RAPGEFL1: variants seen among roughly 807,000 people sequenced by gnomAD.
RAPGEFL1 encodes the protein Rap guanine nucleotide exchange factor like 1.
A neutral mutation model predicts 64.4 loss-of-function variants in RAPGEFL1; 31 were observed. That is an observed-to-expected ratio of 0.48 (90% CI 0.36 to 0.65). The LOEUF (loss-of-function observed/expected upper bound fraction) is 0.65, where lower values mean the gene tolerates loss of function less well. RAPGEFL1 is among the 30% of genes least tolerant of loss of function. The probability of loss-of-function intolerance (pLI) is 0.00; values close to 1 mark genes in which losing one functional copy is unlikely to be tolerated. For missense variants in RAPGEFL1, 682 were observed against 677.4 expected, an observed-to-expected ratio of 1.01 and a Z score of -0.08; for synonymous variants, 331 against 274.1, an observed-to-expected ratio of 1.21 and a Z score of -2.05.
chr17:40,185,405 C>A (rs181182966), intron 4 of RAPGEFL1, among the ~76,000 whole-genome samples: 2 of 151,082 alleles, frequency 1.3e-5, no homozygotes, highest in African/African-American at 4.9e-5. Flanking sequence ...AATGGCTGGG[C>A]AAGGTGGCTT....
rs1420610171 is a variant in RAPGEFL1 at position 40,191,961 on chromosome 17, T to TG, written c.1606-247dup. ...TGGGCTGATTTTCATCCACACTCAGTGGGGGCATCTTTATACAAAGCACCT... is the reference window on the plus strand; with the variant it reads ...TGGGCTGATTTTCATCCACACTCAGTGGGGGGCATCTTTATACAAAGCACCT... On this transcript the variant is annotated intron_variant, in intron 10 of 14. Coordinates refer to ENST00000620260, the MANE Select transcript of RAPGEFL1 (RefSeq NM_016339.6). The surrounding 1 kb of genome is among the most constrained non-coding windows in gnomAD (Gnocchi z 5.1). 6.6e-6 allele frequency among the ~76,000 whole-genome samples: 1 copy of TG among 152,216 alleles called. No individual in the cohort carries two copies. Among genetic ancestry groups the TG allele is most frequent in the African/African-American group, 2.4e-5 (1 of 41,470 alleles).
At position 40,177,831 on chromosome 17, in the gene RAPGEFL1, G is replaced by A. The variant is rs1241743217; in HGVS notation, c.-31G>A. 4.9e-6 allele frequency: 2 copies of A among 411,696 alleles called. No individual in the cohort carries two copies. 25.5% of individuals were successfully genotyped at this position (411,696 alleles called of 1,614,324 possible). Reference sequence around the variant, plus strand: ...CGCGCCTGGGATACCTGGGTCCCCCGGCGACCCCTAGGAGAGGGGCGGGGG... The same window carrying A: ...CGCGCCTGGGATACCTGGGTCCCCCAGCGACCCCTAGGAGAGGGGCGGGGG... On this transcript the variant is annotated 5_prime_UTR_variant, in exon 1 of 15. Transcript: ENST00000620260.
At chr17:40,179,197 G>C (rs1482165438) in intron 1 of RAPGEFL1, among the ~76,000 whole-genome samples, 1 of 152,110 alleles carries the variant, frequency 6.6e-6, no homozygotes, top group Admixed American at 6.5e-5. Flanking sequence ...CTCCTGAGTA[G>C]CTGGGACTAC....
chr17:40,186,965 A>C (rs577392575), intron 4 of RAPGEFL1, among the ~76,000 whole-genome samples: 109 of 151,546 alleles, frequency 7.2e-4, no homozygotes, highest in African/African-American at 2.6e-3. Flanking sequence ...TTGATTATAA[A>C]TTTTATGTAT....
chr17:40,183,644 C>T lies in RAPGEFL1; in HGVS notation c.600-570C>T, dbSNP rs555502153. On this transcript the variant is annotated intron_variant, in intron 2 of 14. Coordinates refer to ENST00000620260, the MANE Select transcript of RAPGEFL1 (RefSeq NM_016339.6). ...AAGTGATTATCTTGCCTCAGCCTCC[C>T]GAGTAGCTGGGATTACAGGTGTACG... Among the ~76,000 whole-genome samples, 1,240 of 146,818 alleles carry T rather than the reference C, an allele frequency of 8.4e-3. 7 individuals carry two copies. Among genetic ancestry groups the T allele is most frequent in the Middle Eastern group, 0.021 (6 of 280 alleles).
In RAPGEFL1 at chr17:40,193,733, A is replaced by G; in HGVS notation, c.1934A>G (p.Asp645Gly). ...TATGTGCGCCAGTTTCAGGTCATCG[A>G]CAACCAGAACCTCCTCTTCGAGCTC... is the stretch of plus-strand genomic sequence containing the variant. Reference protein sequence around the residue: ...KAYVRQFQVIDNQNLLFELSY... With the variant: ...KAYVRQFQVIGNQNLLFELSY... The change falls in exon 15 of 15, where the codon GAC becomes GGC. Residue 645 changes from aspartate (D) to glycine (G), a missense_variant. Physicochemically the swap from Asp to Gly is moderately conservative, Grantham distance 94 (BLOSUM62 -1). Around this residue, in one of 2 missense-constraint regions of RAPGEFL1, gnomAD observed 411 missense variants for 519.4 expected, o/e 0.79. Transcript: ENST00000620260. The G allele has an allele frequency of 1.9e-6, 3 of 1,613,982 alleles. No homozygotes were observed. Among genetic ancestry groups the G allele is most frequent in the Non-Finnish European group, 2.5e-6 (3 of 1,179,974 alleles).
intron 11 of RAPGEFL1, 93 bp downstream of exon 11, chr17:40,192,356 G>C (rs1598446915): frequency 7.1e-7 from 1 of 1,408,396 alleles, no homozygotes; most frequent in South Asian, 1.2e-5. Context: ...TTCCTTTCAA[G>C]GTGTTTAGTG....
intron 6 of RAPGEFL1, among the ~76,000 whole-genome samples, chr17:40,189,783 A>G (rs1378578493): frequency 2.0e-5 from 3 of 152,016 alleles, no homozygotes; most frequent in African/African-American, 7.2e-5. Flanking sequence ...GGGGACTCCT[A>G]TGCCTACTAA....
chr17:40,185,561 A>G (rs1460477216), intron 4 of RAPGEFL1, among the ~76,000 whole-genome samples: 1 of 150,636 alleles, frequency 6.6e-6, no homozygotes, highest in Non-Finnish European at 1.5e-5. Flanking sequence ...CAAGGCAGGC[A>G]GATCATGAGG....
intron 1 of RAPGEFL1, among the ~76,000 whole-genome samples, chr17:40,180,542 G>A (rs1030661986): frequency 7.9e-5 from 12 of 152,198 alleles, no homozygotes; most frequent in Admixed American, 4.6e-4. Context: ...CCTCTCCAAC[G>A]TCCAAGCAGC....
chr17:40,178,073 C>T lies in RAPGEFL1; in HGVS notation c.212C>T (p.Pro71Leu), dbSNP rs1290122266. ...CTGCTCCCCGCTTTCCTCCGGGAGC[C>T]CCCCGCCGAGCCGGGGCTGGAGCCG... Reference protein sequence around the residue: ...RLLLPAFLREPPAEPGLEPPP... With the variant: ...RLLLPAFLRELPAEPGLEPPP... The change falls in exon 1 of 15, where the codon CCC becomes CTC. Residue 71 changes from proline to leucine, a missense_variant. Coordinates refer to ENST00000620260, the MANE Select transcript of RAPGEFL1 (RefSeq NM_016339.6). 5 of 604,470 alleles carry T rather than the reference C, an allele frequency of 8.3e-6. No individual in the cohort carries two copies. Among genetic ancestry groups the T allele is most frequent in the South Asian group, 1.8e-5 (1 of 54,400 alleles). 37.4% of individuals were successfully genotyped at this position (604,470 alleles called of 1,614,324 possible).
intron 1 of RAPGEFL1, 185 bp from the exon 2 acceptor site, chr17:40,181,431 G>A (rs1399582175): frequency 3.1e-6 from 2 of 650,830 alleles, no homozygotes; most frequent in African/African-American, 3.6e-5. Context: ...CACCCTCGCA[G>A]TGGCTGCCCA....
At chr17:40,181,927 G>GA (rs1231134416) in intron 2 of RAPGEFL1, among the ~76,000 whole-genome samples, 1 of 151,872 alleles carries the variant, frequency 6.6e-6, no homozygotes, top group African/African-American at 2.4e-5. Flanking sequence ...ACTAAAAATA[G>GA]AAAAAATTAG....
chr17:40,192,188 C>T, intron 10 of RAPGEFL1, 25 bp from the exon 11 acceptor site: 1 of 1,609,808 alleles, frequency 6.2e-7, no homozygotes, highest in Non-Finnish European at 8.5e-7. Context: ...TCTGATATCC[C>T]TTCTCCTTCC....
Position 40,184,593 on chromosome 17 carries a change from C to A in RAPGEFL1, c.748C>A (p.Leu250Ile), listed in dbSNP as rs779105051. The change falls in exon 4 of 15, where the codon CTA becomes ATA. Residue 250 changes from leucine to isoleucine, a missense_variant. Coordinates refer to ENST00000620260, the MANE Select transcript of RAPGEFL1 (RefSeq NM_016339.6). ...AGHIIKDLYL[L>I]IMKDESLYQG... ...CTCCTCTCTCCAGGATCTATACCTGCTAATTATGAAGGACGAGTCCCTTTA... is the reference window on the plus strand; with the variant it reads ...CTCCTCTCTCCAGGATCTATACCTGATAATTATGAAGGACGAGTCCCTTTA... 1.9e-6 allele frequency: 3 copies of A among 1,552,066 alleles called. No individual in the cohort carries two copies. Among genetic ancestry groups the A allele is most frequent in the Non-Finnish European group, 2.7e-6 (3 of 1,131,682 alleles).
Position 40,191,546 on chromosome 17 carries a change from G to C in RAPGEFL1, c.1515-36G>C. ...GGGCCGGAGGCCGGAGGCCCGCGCCGCCGCCCGCCCCTGACCCCGCCTCCC... is the reference window on the plus strand; with the variant it reads ...GGGCCGGAGGCCGGAGGCCCGCGCCCCCGCCCGCCCCTGACCCCGCCTCCC... On this transcript the variant is annotated intron_variant, in intron 9 of 14. Coordinates refer to ENST00000620260, the MANE Select transcript of RAPGEFL1 (RefSeq NM_016339.6). This position sits in a 1 kb window ranked among gnomAD's most constrained non-coding sequence, Gnocchi z 5.1. 6.4e-7 allele frequency: 1 copy of C among 1,555,320 alleles called. No individual in the cohort carries two copies. The highest frequency in any genetic ancestry group is 8.7e-7 in the Non-Finnish European group (1 of 1,152,502).
In RAPGEFL1 at chr17:40,181,623, G is replaced by A. The variant is rs1454315293; in HGVS notation, c.528G>A (p.Leu176=). 1.4e-6 allele frequency: 1 copy of A among 702,696 alleles called. No homozygotes were observed. The highest frequency in any genetic ancestry group is 1.7e-5 in the African/African-American group (1 of 57,362). 43.5% of individuals were successfully genotyped at this position (702,696 alleles called of 1,614,324 possible). Residue 176 remains leucine (L), a synonymous_variant, in exon 2 of 15, where the codon CTG becomes CTA. Transcript: ENST00000620260. Reference sequence around the variant, plus strand: ...GCCCACTGATCTTTACAGATATCCTGCTGGATGACATTGTCCTTACCCATT... The same window carrying A: ...GCCCACTGATCTTTACAGATATCCTACTGGATGACATTGTCCTTACCCATT... ...ATRDSAASDI[L]LDDIVLTHSL... is the part of the protein sequence containing the mutation.
Position 40,190,957 on chromosome 17 carries a change from GC to G in RAPGEFL1, c.1335+198del, listed in dbSNP as rs1310167500. The G allele has an allele frequency of 1.1e-5, 8 of 747,968 alleles. No homozygotes were observed. In the African/African-American group the frequency reaches 1.2e-4, roughly 12 times the overall value. 46.3% of individuals were successfully genotyped at this position (747,968 alleles called of 1,614,324 possible). ...AGACCCCAGAGCACAGTGGCTCAGG[GC>G]CCAAGTGCTGTTTACACAGAACCTG... On this transcript the variant is annotated intron_variant, in intron 8 of 14. Transcript: ENST00000620260.
chr17:40,179,714 G>C (rs1567690297), intron 1 of RAPGEFL1, among the ~76,000 whole-genome samples: 1 of 152,166 alleles, frequency 6.6e-6, no homozygotes, highest in Non-Finnish European at 1.5e-5. Context: ...AAGCCCAGGA[G>C]GGTCTGAGGT....
Sources: gnomAD v4.1 joint callset for allele counts (sites outside exome capture counted in the v4.1 genomes callset) on GRCh38, gnomAD v4.1.1 for gene constraint, gnomAD v4.1.1 regional missense constraint, Gnocchi (gnomAD v3.1) non-coding constraint, MANE v1.5 for transcripts, NCBI Gene and HGNC (gene_info 2026-07-23, HGNC 2026-07-21) for gene names.